TLCD4: variants seen among roughly 807,000 people sequenced by gnomAD.
TLCD4 encodes TLC domain-containing protein 4.
TLCD4 carries 7 observed loss-of-function variants against 24.2 expected under a neutral mutation model. The observed-to-expected ratio is 0.29, with a 90% CI of 0.16 to 0.54. The LOEUF is 0.54. Among genes scored for constraint, TLCD4 ranks in the 20% least tolerant of loss-of-function variants. The pLI is 0.95. For missense variants in TLCD4, 259 were observed against 313.9 expected, an observed-to-expected ratio of 0.82 and a Z score of 1.32; for synonymous variants, 103 against 106.4, an observed-to-expected ratio of 0.97 and a Z score of 0.20.
chr1:95,186,373 TC>T (rs1355993729), intron 6 of TLCD4, among the ~76,000 whole-genome samples: 1 of 152,108 alleles, frequency 6.6e-6, no homozygotes, highest in East Asian at 1.9e-4. Context: ...ACACTGGAGA[TC>T]AGCAGAGTGG....
intron 5 of TLCD4, among the ~76,000 whole-genome samples, chr1:95,156,399 C>T (rs1234347628): frequency 6.7e-6 from 1 of 149,728 alleles, no homozygotes; most frequent in African/African-American, 2.4e-5. Flanking sequence ...GATGGTTGTA[C>T]ATATGGATGA....
Position 95,143,766 on chromosome 1 carries a change from A to G in TLCD4, c.-11-125A>G, listed in dbSNP as rs535366776. 8.9e-5 allele frequency: 84 copies of G among 944,702 alleles called. No individual in the cohort carries two copies. The South Asian group carries it at 3.2e-3, about 36-fold the overall frequency. The allele number at this position is 944,702 out of a possible 1,614,324, so 58.5% of individuals were successfully genotyped here. A position where few individuals can be genotyped will look rare whatever the true frequency, so the allele number is the denominator to read the frequency against. The stretch of plus-strand genomic sequence containing the variant: ...AAAAGGTCAAAAATTCTTATAGTTT[A>G]TATTCTTAACATTTGTTCTAAATTT... On this transcript the variant is annotated intron_variant, in intron 1 of 6. Coordinates refer to ENST00000370203, the MANE Select transcript of TLCD4 (RefSeq NM_152487.3).
the TLCD4 span, among the ~76,000 whole-genome samples, chr1:95,099,907 A>G: frequency 5.9e-5 from 9 of 151,844 alleles, no homozygotes; most frequent in African/African-American, 2.2e-4. Context: ...TGAGGCAGGC[A>G]AATCACTTGA....
At chr1:95,114,779 T>G (rs1368559518), upstream of TLCD4, among the ~76,000 whole-genome samples, 3 of 151,318 alleles carry the variant, frequency 2.0e-5, no homozygotes, top group East Asian at 3.9e-4. Flanking sequence ...TGATCCGAGA[T>G]GGCACCACTG....
At chr1:95,113,018 A>T (rs1333298379), upstream of TLCD4, among the ~76,000 whole-genome samples, 1 of 151,026 alleles carries the variant, frequency 6.6e-6, no homozygotes, top group Non-Finnish European at 1.5e-5. Flanking sequence ...ATCCAACCTT[A>T]GCTACATTTC....
chr1:95,171,837 A>C (rs1345290896), intron 5 of TLCD4, among the ~76,000 whole-genome samples: 1 of 152,224 alleles, frequency 6.6e-6, no homozygotes, highest in Admixed American at 6.5e-5. Context: ...CATAACTCCC[A>C]GTACCTTAGA....
intron 5 of TLCD4, among the ~76,000 whole-genome samples, chr1:95,173,509 G>C (rs547033288): frequency 6.6e-6 from 1 of 152,152 alleles, no homozygotes; most frequent in Admixed American, 6.5e-5. Context: ...ATTACTAATG[G>C]TTATTTAGAG....
rs1571723638 is a variant in TLCD4, at chr1:95,125,873, C to T, written c.-12+8256C>T. On this transcript the variant is annotated intron_variant, in intron 1 of 6. Transcript: ENST00000370203. ...CTTGCTTAAGAAAGGGCTGGTATTC[C>T]GGCCATAGTGGCTCAGACCTGCAAT... Among the ~76,000 whole-genome samples, 4 of 152,194 alleles carry T rather than the reference C, an allele frequency of 2.6e-5. 1 individual carries two copies. The highest frequency in any genetic ancestry group is 1.5e-5 in the Non-Finnish European group (1 of 68,004).
chr1:95,140,373 T>G (rs780517779), intron 1 of TLCD4, among the ~76,000 whole-genome samples: 1 of 152,236 alleles, frequency 6.6e-6, no homozygotes, highest in African/African-American at 2.4e-5. Flanking sequence ...AGCTCCATTA[T>G]AATCTTATGA....
the TLCD4 span, among the ~76,000 whole-genome samples, chr1:95,099,146 G>C: frequency 6.7e-5 from 10 of 149,748 alleles, no homozygotes; most frequent in African/African-American, 2.5e-4. Flanking sequence ...ATCACTATTT[G>C]GTCAGGCACG....
chr1:95,177,790 A>C (rs968559101), intron 6 of TLCD4, among the ~76,000 whole-genome samples: 1 of 152,086 alleles, frequency 6.6e-6, no homozygotes, highest in African/African-American at 2.4e-5. Context: ...TACCATAAGC[A>C]ATCCTAGACT....
At chr1:95,156,301 G>C (rs55698582) in intron 5 of TLCD4, among the ~76,000 whole-genome samples, 3,659 of 152,238 alleles carry the variant, frequency 0.024, 65 homozygotes, top group Middle Eastern at 0.11. Flanking sequence ...AAAACATTTT[G>C]AGGAAAGTCA....
At chr1:95,141,834 A>ACACACACACAC (rs1557682582) in intron 1 of TLCD4, among the ~76,000 whole-genome samples, 4 of 70,718 alleles carry the variant, frequency 5.7e-5, no homozygotes, top group Admixed American at 2.8e-4. Flanking sequence ...CACACACACA[A>ACACACACACAC]AGAATGAGGA....
chr1:95,173,969 CAA>C lies in TLCD4; in HGVS notation c.473+81_473+82del, dbSNP rs1000299256. On this transcript the variant is annotated intron_variant, in intron 6 of 6. Coordinates refer to ENST00000370203, the MANE Select transcript of TLCD4 (RefSeq NM_152487.3). ...GGGCAAATCCTTTTCCCGTGATCCT[CAA>C]GTTACTATATAAAAGATACGGATCT... The C allele has an allele frequency of 1.9e-6, 3 of 1,565,238 alleles. No homozygotes were observed. In the African/African-American group the frequency reaches 4.1e-5, roughly 21 times the overall value.
chr1:95,097,320 A>T, the TLCD4 span, among the ~76,000 whole-genome samples: 2 of 152,246 alleles, frequency 1.3e-5, no homozygotes, highest in Non-Finnish European at 2.9e-5. Context: ...GATATAGAAC[A>T]GTCCTTCTTG....
chr1:95,124,983 T>A (rs1227338765), intron 1 of TLCD4, among the ~76,000 whole-genome samples: 1 of 152,188 alleles, frequency 6.6e-6, no homozygotes, highest in Non-Finnish European at 1.5e-5. Context: ...ATCTTCAAGA[T>A]TAAACTTGTT....
At chr1:95,148,988 C>T (rs1571744839) in intron 3 of TLCD4, among the ~76,000 whole-genome samples, 197 bp downstream of exon 3, 1 of 152,156 alleles carries the variant, frequency 6.6e-6, no homozygotes, top group Middle Eastern at 3.4e-3. Flanking sequence ...GCCATTTTGC[C>T]TTAGTGTAGC....
chr1:95,108,808 C>G, the TLCD4 span, among the ~76,000 whole-genome samples: 12 of 152,118 alleles, frequency 7.9e-5, no homozygotes, highest in Non-Finnish European at 1.5e-4. Flanking sequence ...TCTGGGCTTT[C>G]TATTTAATTC....
the TLCD4 span, among the ~76,000 whole-genome samples, chr1:95,109,319 G>T: frequency 6.6e-6 from 1 of 151,904 alleles, no homozygotes; most frequent in Non-Finnish European, 1.5e-5. Context: ...CTCCAGCCTG[G>T]GCGACAGAGT....
Sources: gnomAD v4.1 joint callset for allele counts (sites outside exome capture counted in the v4.1 genomes callset) on GRCh38, gnomAD v4.1.1 for gene constraint, MANE v1.5 for transcripts, NCBI Gene and HGNC (gene_info 2026-07-23, HGNC 2026-07-21) for gene names.